Variants in LINGO2 observed in about 807,000 individuals in gnomAD.
LINGO2 encodes the protein leucine rich repeat and Ig domain containing 2.
A neutral mutation model predicts 30.6 loss-of-function variants in LINGO2; 14 were observed. The ratio of observed to expected loss-of-function variants is 0.46; its 90% CI spans 0.30 to 0.72. LINGO2 has a LOEUF of 0.72. LINGO2 is among the 30% of genes least tolerant of loss of function. The probability of loss-of-function intolerance (pLI) is 0.07; values close to 1 mark genes in which losing one functional copy is unlikely to be tolerated. For missense variants in LINGO2, 729 were observed against 751.7 expected, an observed-to-expected ratio of 0.97 and a Z score of 0.35; for synonymous variants, 317 against 288.5, an observed-to-expected ratio of 1.10 and a Z score of -1.00.
At chr9:28,109,907 A>G (rs1405537463) in intron 4 of LINGO2, among the ~76,000 whole-genome samples, 2 of 152,226 alleles carry the variant, frequency 1.3e-5, no homozygotes, top group Non-Finnish European at 2.9e-5. Flanking sequence ...TAAATTTCAT[A>G]TGGAACCAAA....
At chr9:28,486,425 C>G (rs751291784) in intron 1 of LINGO2, among the ~76,000 whole-genome samples, 5 of 151,942 alleles carry the variant, frequency 3.3e-5, no homozygotes. Context: ...ACTAGGGTTC[C>G]TTTGTGTTAT....
chr9:28,498,742 C>T (rs1403914339), intron 1 of LINGO2, among the ~76,000 whole-genome samples: 3 of 152,116 alleles, frequency 2.0e-5, no homozygotes, highest in East Asian at 1.9e-4. Flanking sequence ...CCATCTTCTG[C>T]GTCGCTCATG....
chr9:28,559,443 T>C (rs575988527), intron 1 of LINGO2, among the ~76,000 whole-genome samples: 1 of 152,248 alleles, frequency 6.6e-6, no homozygotes, highest in Non-Finnish European at 1.5e-5. Flanking sequence ...ATTTCAAACA[T>C]AATAGGTCAT....
At chr9:28,425,261 T>C (rs1251340913) in intron 2 of LINGO2, among the ~76,000 whole-genome samples, 2 of 147,912 alleles carry the variant, frequency 1.4e-5, no homozygotes, top group Non-Finnish European at 3.0e-5. Context: ...ATATGTATTA[T>C]ATATTATATA....
intron 5 of LINGO2, among the ~76,000 whole-genome samples, chr9:27,977,596 A>G (rs1481683774): frequency 6.6e-6 from 1 of 151,988 alleles, no homozygotes; most frequent in Admixed American, 6.6e-5. Flanking sequence ...GTTTTATTAG[A>G]AATAAAAAAG....
chr9:28,242,955 C>A (rs956083187), intron 4 of LINGO2, among the ~76,000 whole-genome samples: 2 of 152,126 alleles, frequency 1.3e-5, no homozygotes, highest in Admixed American at 6.5e-5. Flanking sequence ...GCCTGCCTTG[C>A]AAGAGTTCCT....
At chr9:28,122,530 A>G (rs1048882002) in intron 4 of LINGO2, among the ~76,000 whole-genome samples, 1 of 152,342 alleles carries the variant, frequency 6.6e-6, no homozygotes. Flanking sequence ...CACAGGTCCA[A>G]ATGGAATGAG....
chr9:29,146,866 A>G, the LINGO2 span, among the ~76,000 whole-genome samples: 1 of 152,220 alleles, frequency 6.6e-6, no homozygotes, highest in South Asian at 2.1e-4. Context: ...AATACACAAA[A>G]CAACTCTAAA....
intron 1 of LINGO2, among the ~76,000 whole-genome samples, chr9:28,513,648 C>A (rs1820503102): frequency 6.6e-6 from 1 of 152,116 alleles, no homozygotes; most frequent in African/African-American, 2.4e-5. Context: ...TCTACTTTTG[C>A]CAACATTGTT....
At chr9:28,979,719 T>G in the LINGO2 span, among the ~76,000 whole-genome samples, 1 of 152,148 alleles carries the variant, frequency 6.6e-6, no homozygotes, top group Non-Finnish European at 1.5e-5. Flanking sequence ...AAAAGAAATC[T>G]CAAATCCACT....
At chr9:28,272,533 T>G (rs116000406) in intron 4 of LINGO2, among the ~76,000 whole-genome samples, 2,619 of 152,104 alleles carry the variant, frequency 0.017, 76 homozygotes, top group African/African-American at 0.059. Flanking sequence ...CTTCCATGTT[T>G]CCCTGAAATT....
chr9:28,653,997 T>C (rs1357004702), intron 1 of LINGO2, among the ~76,000 whole-genome samples: 1 of 152,188 alleles, frequency 6.6e-6, no homozygotes, highest in East Asian at 1.9e-4. Context: ...TTTACGTTTA[T>C]CTATTTTACA....
chr9:28,899,287 A>G, the LINGO2 span, among the ~76,000 whole-genome samples: 3,535 of 152,308 alleles, frequency 0.023, 71 homozygotes, highest in Non-Finnish European at 0.033. Flanking sequence ...CCTTGAGACC[A>G]ACATCAGTGC....
intron 4 of LINGO2, among the ~76,000 whole-genome samples, chr9:28,177,374 TC>T (rs1229848406): frequency 6.6e-6 from 1 of 152,202 alleles, no homozygotes; most frequent in Non-Finnish European, 1.5e-5. Context: ...TTTCCAAAAC[TC>T]CTAGGGAAAT....
At chr9:28,375,089 AACACACACAC>A (rs137914726) in intron 2 of LINGO2, among the ~76,000 whole-genome samples, 4,511 of 141,760 alleles carry the variant, frequency 0.032, 100 homozygotes, top group Middle Eastern at 0.13. Context: ...CACACCCCTT[AACACACACAC>A]ACACACACAC....
chr9:28,855,255 G>T, the LINGO2 span, among the ~76,000 whole-genome samples: 1 of 151,984 alleles, frequency 6.6e-6, no homozygotes, highest in African/African-American at 2.4e-5. Flanking sequence ...CAGCAGCAAT[G>T]CAAAGGAAGG....
chr9:29,026,337 T>G, the LINGO2 span, among the ~76,000 whole-genome samples: 2 of 152,156 alleles, frequency 1.3e-5, no homozygotes, highest in South Asian at 2.1e-4. Flanking sequence ...ATGAGTTGCT[T>G]AAAGGATAGA....
chr9:28,847,293 A>G, the LINGO2 span, among the ~76,000 whole-genome samples: 168 of 148,060 alleles, frequency 1.1e-3, 10 homozygotes, highest in Non-Finnish European at 2.1e-3. Context: ...GCACAATTTA[A>G]GAATAAAAAC....
chr9:28,409,406 T>C (rs974489339), intron 2 of LINGO2, among the ~76,000 whole-genome samples: 6 of 152,096 alleles, frequency 3.9e-5, no homozygotes, highest in African/African-American at 1.4e-4. Context: ...TGTACAATTT[T>C]ACAATGTTTT....
Sources: allele counts gnomAD v4.1 joint callset (sites outside exome capture counted in the v4.1 genomes callset), GRCh38; gene constraint gnomAD v4.1.1; transcripts MANE v1.5; gene names NCBI Gene and HGNC (gene_info 2026-07-23, HGNC 2026-07-21).